Variants in CSNK2A2IP observed in about 807,000 individuals in gnomAD.
CSNK2A2IP encodes the protein casein kinase II subunit alpha'-interacting protein.
At chr3:88,370,667 G>GA in the CSNK2A2IP span, among the ~76,000 whole-genome samples, 1 of 135,208 alleles carries the variant, frequency 7.4e-6, no homozygotes, top group African/African-American at 2.8e-5. Flanking sequence ...TTCATTTTTT[G>GA]AAAAAACACA....
chr3:88,411,590 G>A, the CSNK2A2IP span, among the ~76,000 whole-genome samples: 1 of 151,778 alleles, frequency 6.6e-6, no homozygotes, highest in Admixed American at 6.6e-5. Flanking sequence ...GTAGAAAAAA[G>A]TTATTTAATT....
At chr3:88,466,148 C>A in the CSNK2A2IP span, 1 of 1,231,572 alleles carries the variant, frequency 8.1e-7, no homozygotes, top group Non-Finnish European at 1.0e-6. Context: ...TCTTTCAAAC[C>A]CAATCAAATT....
the CSNK2A2IP span, among the ~76,000 whole-genome samples, chr3:88,372,128 T>C: frequency 3.3e-3 from 500 of 151,812 alleles, 4 homozygotes; most frequent in African/African-American, 0.012. Flanking sequence ...TTTATAGCTA[T>C]CTCTTAATTT....
At chr3:88,423,161 C>T in the CSNK2A2IP span, among the ~76,000 whole-genome samples, 371 of 152,204 alleles carry the variant, frequency 2.4e-3, 2 homozygotes, top group African/African-American at 8.4e-3. Context: ...TTGAGCAATC[C>T]TAAGAGAACT....
At chr3:88,345,072 C>CAAT in the CSNK2A2IP span, among the ~76,000 whole-genome samples, 1 of 151,934 alleles carries the variant, frequency 6.6e-6, no homozygotes, top group Non-Finnish European at 1.5e-5. Context: ...AGTGCGCACA[C>CAAT]ATTGTCTGGA....
the CSNK2A2IP span, among the ~76,000 whole-genome samples, chr3:88,355,379 GC>G: frequency 6.6e-6 from 1 of 152,026 alleles, no homozygotes; most frequent in African/African-American, 2.4e-5. Flanking sequence ...TGGAGCTCCT[GC>G]CCAGAGTCTG....
the CSNK2A2IP span, among the ~76,000 whole-genome samples, chr3:88,373,597 T>C: frequency 2.1e-5 from 1 of 47,752 alleles, no homozygotes; most frequent in African/African-American, 5.5e-5. Context: ...TTAAATGTAA[T>C]GAAAGTAAAA....
the CSNK2A2IP span, among the ~76,000 whole-genome samples, chr3:88,396,196 C>G: frequency 6.6e-6 from 1 of 150,654 alleles, no homozygotes; most frequent in Non-Finnish European, 1.5e-5. Context: ...GCTCCGCCCC[C>G]TGGGGTTCAC....
At chr3:88,411,383 A>ATCTATCTATCTATCTATCTATCTATCTG in the CSNK2A2IP span, among the ~76,000 whole-genome samples, 3 of 55,020 alleles carry the variant, frequency 5.5e-5, no homozygotes, top group Admixed American at 2.4e-4. Context: ...CTATCTGTCT[A>ATCTATCTATCTATCTATCTATCTATCTG]TCTATCTATC....
chr3:88,438,235 T>C, the CSNK2A2IP span, among the ~76,000 whole-genome samples: 1 of 152,228 alleles, frequency 6.6e-6, no homozygotes, highest in Non-Finnish European at 1.5e-5. Context: ...CATGCATTCA[T>C]ATTCCTATTT....
At chr3:88,458,141 G>GGT in the CSNK2A2IP span, among the ~76,000 whole-genome samples, 2 of 83,304 alleles carry the variant, frequency 2.4e-5, no homozygotes. Flanking sequence ...TGTAATTGTG[G>GGT]TTTTTTTTTT....
At chr3:88,461,446 G>C in the CSNK2A2IP span, among the ~76,000 whole-genome samples, 15 of 152,200 alleles carry the variant, frequency 9.9e-5, no homozygotes, top group African/African-American at 2.9e-4. Flanking sequence ...CCAGCTACTC[G>C]TGAGGCTGAA....
chr3:88,419,951 G>A, the CSNK2A2IP span, among the ~76,000 whole-genome samples: 1 of 152,234 alleles, frequency 6.6e-6, no homozygotes, highest in Non-Finnish European at 1.5e-5. Context: ...CGAAGAATCA[G>A]CAAAGAGGAA....
At chr3:88,380,042 T>C in the CSNK2A2IP span, among the ~76,000 whole-genome samples, 4 of 152,104 alleles carry the variant, frequency 2.6e-5, no homozygotes, top group Non-Finnish European at 5.9e-5. Context: ...ACTAAAAATG[T>C]TGTAAATGTA....
At chr3:88,366,421 TGA>T in the CSNK2A2IP span, among the ~76,000 whole-genome samples, 4 of 152,138 alleles carry the variant, frequency 2.6e-5, no homozygotes, top group South Asian at 2.1e-4. Flanking sequence ...AAGCAAATTA[TGA>T]GAGAAAAATT....
the CSNK2A2IP span, among the ~76,000 whole-genome samples, chr3:88,371,169 G>T: frequency 1.3e-5 from 2 of 151,810 alleles, no homozygotes; most frequent in African/African-American, 2.4e-5. Context: ...AAATAAAATG[G>T]AAAGTGTGAT....
the CSNK2A2IP span, among the ~76,000 whole-genome samples, chr3:88,425,205 C>T: frequency 6.6e-5 from 10 of 151,960 alleles, no homozygotes; most frequent in Non-Finnish European, 1.5e-4. Context: ...AACTATATTA[C>T]AATATAAATA....
the CSNK2A2IP span, among the ~76,000 whole-genome samples, chr3:88,432,895 A>G: frequency 1.3e-5 from 2 of 151,728 alleles, no homozygotes; most frequent in African/African-American, 4.8e-5. Context: ...CTTTAATACT[A>G]TTAAGAATAA....
At chr3:88,455,775 A>G in the CSNK2A2IP span, among the ~76,000 whole-genome samples, 1 of 151,988 alleles carries the variant, frequency 6.6e-6, no homozygotes, top group African/African-American at 2.4e-5. Context: ...AATCATTACT[A>G]AAACTAACAT....
Sources: allele counts gnomAD v4.1 joint callset (sites outside exome capture counted in the v4.1 genomes callset), GRCh38; gene constraint gnomAD v4.1.1; transcripts MANE v1.5; gene names NCBI Gene and HGNC (gene_info 2026-07-23, HGNC 2026-07-21).